MSLN: variants seen among roughly 807,000 people sequenced by gnomAD.
The protein encoded by MSLN is mesothelin, also known as CAK1 antigen.
MSLN carries 82 observed loss-of-function variants against 72.6 expected under a neutral mutation model. The observed-to-expected ratio is 1.13, with a 90% CI of 0.94 to 1.36. The LOEUF (loss-of-function observed/expected upper bound fraction) is 1.36. Among genes scored for constraint, MSLN ranks in the 40% most tolerant of loss-of-function variants. MSLN has a pLI of 0.00. For synonymous variants in MSLN, 456 were observed against 387.3 expected (o/e 1.18, Z -2.08); for missense variants, 1,005 against 847.9 (o/e 1.19, Z -2.30).
rs1219184469 is a variant in MSLN at position 766,676 on chromosome 16, CCT to C, written c.1240_1241del (p.Leu414AspfsTer55). 1.9e-6 allele frequency: 3 copies of C among 1,612,512 alleles called. No homozygotes were observed. In the South Asian group the frequency reaches 3.3e-5, roughly 18 times the overall value. ...GHEMSPQVAT[L>X]IDRFVKGRGQ... ...GGCGGCCCCTCCCACAGGTGGCCAC[CCT>C]GATCGACCGCTTTGTGAAGGGAAGG... On this transcript the variant is annotated frameshift_variant, in exon 14 of 18. Transcript: ENST00000545450. LOFTEE classifies it high-confidence loss of function.
chr16:766,634 T>A (rs760532029), intron 13 of MSLN, 34 bp from the exon 14 acceptor site: 28 of 1,611,790 alleles, frequency 1.7e-5, no homozygotes, highest in Non-Finnish European at 2.4e-5. Flanking sequence ...ACATCTCTCC[T>A]TGCCACAAGG....
chr16:767,410 TC>T lies in MSLN; in HGVS notation c.1537del (p.Gln513SerfsTer4). 6.2e-7 allele frequency: 1 copy of T among 1,600,156 alleles called. No individual in the cohort carries two copies. The highest frequency in any genetic ancestry group is 8.5e-7 in the Non-Finnish European group (1 of 1,175,150). ...CCACGGAGGATTTGAAGGCGCTCAGTCAGCAGAATGTGAGCATGGACTTGGC... is the reference window on the plus strand; with the variant it reads ...CCACGGAGGATTTGAAGGCGCTCAGTAGCAGAATGTGAGCATGGACTTGGC... ...APTEDLKALS[Q>X]QNVSMDLATF... On this transcript the variant is annotated frameshift_variant, in exon 16 of 18. Coordinates refer to ENST00000545450, the MANE Select transcript of MSLN (RefSeq NM_005823.6). LOFTEE classifies it high-confidence loss of function.
Position 763,735 on chromosome 16 carries a change from G to A in MSLN, c.179+44G>A, listed in dbSNP as rs540457028. 8 of 943,754 alleles carry A rather than the reference G, an allele frequency of 8.5e-6. No homozygotes were observed. In the South Asian group the frequency reaches 2.1e-4, roughly 25 times the overall value. The allele number at this position is 943,754 out of a possible 1,614,324, so 58.5% of individuals were successfully genotyped here. A position where few individuals can be genotyped will look rare whatever the true frequency, so the allele number is the denominator to read the frequency against. On this transcript the variant is annotated intron_variant, in intron 5 of 17. Transcript: ENST00000545450. ...CAGTCCTCAAGGGTGAGGCTCGAGG[G>A]GCCCTCGGGACTGAGGGTGGGCAGG...
chr16:766,514 T>C (rs370909284), intron 13 of MSLN, 24 bp downstream of exon 13: 9 of 1,611,970 alleles, frequency 5.6e-6, no homozygotes, highest in South Asian at 2.2e-5. Flanking sequence ...TCGGGGGTCA[T>C]GTGGCATGAG....
intron 16 of MSLN, 113 bp from the exon 17 acceptor site, chr16:768,266 G>A: frequency 9.0e-7 from 1 of 1,105,362 alleles, no homozygotes; most frequent in Non-Finnish European, 1.2e-6. Context: ...GTCTGGAGAG[G>A]CTGCGGTGGG....
At chr16:764,189 G>C in intron 6 of MSLN, 46 bp downstream of exon 6, 5 of 1,581,808 alleles carry the variant, frequency 3.2e-6, no homozygotes, top group Non-Finnish European at 4.3e-6. Flanking sequence ...CTGGGGCTGA[G>C]GAATTCACAG....
chr16:762,828 C>A, intron 3 of MSLN, 63 bp downstream of exon 3: 1 of 1,375,508 alleles, frequency 7.3e-7, no homozygotes, highest in Non-Finnish European at 9.9e-7. Flanking sequence ...GGGCCAGGCC[C>A]CCAGCAAGGC....
At chr16:767,512 TGGAGGAGGGGCGAGTG>T (rs748895027) in intron 16 of MSLN, 42 bp downstream of exon 16, 22 of 1,074,820 alleles carry the variant, frequency 2.0e-5, no homozygotes, top group East Asian at 8.6e-5. Context: ...GAGGGGCCCG[TGGAGGAGGGGCGAGTG>T]GGAGGAGGGG....
chr16:764,786 C>G (rs1197764135), intron 7 of MSLN, 60 bp downstream of exon 7: 3 of 1,551,026 alleles, frequency 1.9e-6, no homozygotes, highest in South Asian at 1.1e-5. Flanking sequence ...CAGCCCCCAA[C>G]CCCCTGCCCC....
intron 16 of MSLN, 27 bp from the exon 17 acceptor site, chr16:768,352 T>C (rs750658362): frequency 2.7e-6 from 4 of 1,500,108 alleles, no homozygotes; most frequent in Non-Finnish European, 2.7e-6. Context: ...GAGACCCTCC[T>C]TGATGGCTGC....
chr16:768,198 G>A (rs1207971572), intron 16 of MSLN, among the ~76,000 whole-genome samples, 181 bp from the exon 17 acceptor site: 1 of 151,612 alleles, frequency 6.6e-6, no homozygotes, highest in Non-Finnish European at 1.5e-5. Flanking sequence ...TTCCCGTGTG[G>A]TGGGGCCTAG....
At position 765,798 on chromosome 16, in the gene MSLN, C is replaced by T. The variant is rs746048466; in HGVS notation, c.895+8C>T. 2.5e-6 allele frequency: 4 copies of T among 1,596,452 alleles called. No individual in the cohort carries two copies. The South Asian group carries it at 3.3e-5, about 13-fold the overall frequency. On this transcript the variant is annotated splice_region_variant and intron_variant, in intron 11 of 17. Coordinates refer to ENST00000545450, the MANE Select transcript of MSLN (RefSeq NM_005823.6). ...TCCGGCGGGAAGTGGAGAGTGAGTG[C>T]CGTGCCCTGCGCAGTCTGGCACCAG... is the stretch of plus-strand genomic sequence containing the variant.
At chr16:762,794 GT>G (rs1406755569) in intron 3 of MSLN, 29 bp downstream of exon 3, 1 of 1,536,938 alleles carries the variant, frequency 6.5e-7, no homozygotes, top group Non-Finnish European at 8.7e-7. Context: ...TGCTGGTGAG[GT>G]GGGGACGGCC....
chr16:765,421 C>A, intron 9 of MSLN, 106 bp from the exon 10 acceptor site: 1 of 1,410,358 alleles, frequency 7.1e-7, no homozygotes, highest in Non-Finnish European at 9.5e-7. Context: ...ACCACCCCTG[C>A]CAATGCCCCC....
At chr16:761,269 G>C (rs2041533328) in intron 2 of MSLN, 95 bp downstream of exon 2, 1 of 152,356 alleles carries the variant, frequency 6.6e-6, no homozygotes, top group African/African-American at 2.4e-5. Flanking sequence ...CGGGCTTCCA[G>C]CACCAGAGCG....
At chr16:767,149 G>C in intron 15 of MSLN, 137 bp downstream of exon 15, 1 of 1,424,556 alleles carries the variant, frequency 7.0e-7, no homozygotes, top group Non-Finnish European at 9.6e-7. Context: ...TCTGCCCCCC[G>C]GGGTGTGTAT....
intron 9 of MSLN, 40 bp downstream of exon 9, chr16:765,343 G>GAA (rs1567357452): frequency 8.0e-6 from 12 of 1,508,700 alleles, no homozygotes; most frequent in Non-Finnish European, 9.7e-6. Flanking sequence ...CTCACCTGGC[G>GAA]GCGTGGTATC....
At chr16:764,773 C>T (rs1161386451) in intron 7 of MSLN, 47 bp downstream of exon 7, 2 of 1,581,770 alleles carry the variant, frequency 1.3e-6, no homozygotes, top group Admixed American at 1.7e-5. Flanking sequence ...TGCCGCCAGC[C>T]CTCAGCCCCC....
intron 16 of MSLN, 31 bp from the exon 17 acceptor site, chr16:768,348 C>G: frequency 1.3e-6 from 2 of 1,499,418 alleles, no homozygotes; most frequent in South Asian, 2.8e-5. Flanking sequence ...GAAGGAGACC[C>G]TCCTTGATGG....
Sources: allele counts gnomAD v4.1 joint callset (sites outside exome capture counted in the v4.1 genomes callset), GRCh38; gene constraint gnomAD v4.1.1; transcripts MANE v1.5; gene names NCBI Gene and HGNC (gene_info 2026-07-23, HGNC 2026-07-21).